Variants in CLIP2 observed in about 807,000 individuals in gnomAD.
The protein encoded by CLIP2 is CAP-Gly domain-containing linker protein 2.
Under a neutral mutation model 111.7 loss-of-function variants are expected in CLIP2, and 41 were observed. The observed-to-expected ratio is 0.37, with a 90% confidence interval of 0.29 to 0.48. The LOEUF (loss-of-function observed/expected upper bound fraction) is 0.48. Among genes scored for constraint, CLIP2 ranks in the 20% least tolerant of loss-of-function variants. CLIP2 has a pLI of 0.99. For synonymous variants in CLIP2, 660 were observed against 644.2 expected (o/e 1.02, Z -0.37); for missense variants, 1,160 against 1,422.1 (o/e 0.82, Z 2.96).
rs975799851 is a variant in CLIP2, at chr7:74,373,295, C to T, written c.1485+259C>T. Among the ~76,000 whole-genome samples, 3 of 152,060 alleles carry T rather than the reference C, an allele frequency of 2.0e-5. No homozygotes were observed. In the East Asian group the frequency reaches 5.8e-4, roughly 29 times the overall value. On this transcript the variant is annotated intron_variant, in intron 9 of 16. Coordinates refer to ENST00000223398, the MANE Select transcript of CLIP2 (RefSeq NM_003388.5). ...GGTGGATCGCCTGAGGTCAGGAGTT[C>T]GAGACCAGCCTGGCCAACATGGTGA...
At chr7:74,330,782 G>A (rs1209469913) in intron 2 of CLIP2, among the ~76,000 whole-genome samples, 1 of 152,094 alleles carries the variant, frequency 6.6e-6, no homozygotes, top group Non-Finnish European at 1.5e-5. Flanking sequence ...TTGGTTTGGA[G>A]GCTCTTAGAT....
chr7:74,330,596 C>T (rs979180404), intron 2 of CLIP2, among the ~76,000 whole-genome samples: 3 of 151,924 alleles, frequency 2.0e-5, no homozygotes, highest in Non-Finnish European at 4.4e-5. Context: ...GTTCCCTATT[C>T]CTCTTCCCCT....
At position 74,376,513 on chromosome 7, in the gene CLIP2, G is replaced by A. The variant is rs781965805; in HGVS notation, c.2112G>A (p.Arg704=). 2 of 1,604,552 alleles carry A rather than the reference G, an allele frequency of 1.2e-6. No individual in the cohort carries two copies. The highest frequency in any genetic ancestry group is 1.7e-5 in the Admixed American group (1 of 57,950). Residue 704 remains arginine (R), a synonymous_variant, in exon 10 of 17, where the codon CGG becomes CGA. Coordinates refer to ENST00000223398, the MANE Select transcript of CLIP2 (RefSeq NM_003388.5). The surrounding 1 kb of genome is among the most constrained non-coding windows in gnomAD (Gnocchi z 7.1). ...EELAGLQRHW[R]AQLEVQASQH... is the part of the protein sequence containing the mutation. ...TGGCTGGGCTGCAGCGGCACTGGCG[G>A]GCCCAGCTGGAGGTGCAAGCCAGCC...
chr7:74,345,762 G>T (rs1457692658), intron 3 of CLIP2, among the ~76,000 whole-genome samples: 4 of 151,750 alleles, frequency 2.6e-5, no homozygotes, highest in Non-Finnish European at 5.9e-5. Context: ...CAGGAGAATC[G>T]CTTGAACCCG....
At chr7:74,290,561 G>A (rs1787987137) in intron 1 of CLIP2, among the ~76,000 whole-genome samples, 1 of 152,226 alleles carries the variant, frequency 6.6e-6, no homozygotes, top group South Asian at 2.1e-4. Context: ...AGCACCTTGG[G>A]GGGAAATCAC....
chr7:74,290,951 G>A (rs1280452183), intron 1 of CLIP2, among the ~76,000 whole-genome samples: 1 of 152,152 alleles, frequency 6.6e-6, no homozygotes, highest in Non-Finnish European at 1.5e-5. Flanking sequence ...GGAGGATGGG[G>A]CAGACCAGGA....
chr7:74,376,835 C>A lies in CLIP2; in HGVS notation c.2421+13C>A. On this transcript the variant is annotated intron_variant, in intron 10 of 16. Transcript: ENST00000223398. The surrounding 1 kb of genome is among the most constrained non-coding windows in gnomAD (Gnocchi z 7.1). ...CCAGCACACCCACGTAGGCGCCTGC[C>A]CCTCCTGCTGGGGCGGGAGGGTCGG... The A allele has an allele frequency of 6.4e-7, 1 of 1,557,728 alleles. No homozygotes were observed. Among genetic ancestry groups the A allele is most frequent in the Non-Finnish European group, 8.7e-7 (1 of 1,152,770 alleles).
intron 1 of CLIP2, among the ~76,000 whole-genome samples, chr7:74,290,140 CAG>C (rs1369749351): frequency 6.6e-6 from 1 of 152,224 alleles, no homozygotes; most frequent in Non-Finnish European, 1.5e-5. Flanking sequence ...TCTGGGCTCA[CAG>C]AGCCTGGGGA....
chr7:74,347,118 C>T (rs996958167), intron 3 of CLIP2, among the ~76,000 whole-genome samples: 7 of 152,084 alleles, frequency 4.6e-5, no homozygotes, highest in Non-Finnish European at 1.0e-4. Flanking sequence ...GATGACTACT[C>T]GTTGCCTGGT....
intron 3 of CLIP2, among the ~76,000 whole-genome samples, chr7:74,349,550 G>C (rs1554307130): frequency 7.3e-6 from 1 of 137,700 alleles, no homozygotes; most frequent in Non-Finnish European, 1.5e-5. Flanking sequence ...AGTGATACCT[G>C]CTGCAATATG....
At chr7:74,370,672 C>CT (rs1790592960) in intron 8 of CLIP2, among the ~76,000 whole-genome samples, 1 of 149,150 alleles carries the variant, frequency 6.7e-6, no homozygotes, top group South Asian at 2.1e-4. Flanking sequence ...ATACACCAGG[C>CT]TTTTCTCTTT....
intron 1 of CLIP2, among the ~76,000 whole-genome samples, chr7:74,296,788 C>CAA (rs3044389): frequency 0.55 from 65,400 of 119,678 alleles, 18,157 homozygotes; most frequent in Middle Eastern, 0.67. Context: ...GATTTTGTCT[C>CAA]AAAAAAAAAA....
At position 74,372,950 on chromosome 7, in the gene CLIP2, C is replaced by T; in HGVS notation, c.1399C>T (p.His467Tyr). 7.0e-7 allele frequency: 1 copy of T among 1,421,862 alleles called. No individual in the cohort carries two copies. 88.1% of individuals were successfully genotyped at this position (1,421,862 alleles called of 1,614,324 possible). A position where few individuals can be genotyped will look rare whatever the true frequency, so the allele number is the denominator to read the frequency against. ...GGACCAGACCCAGACGCAGCTGGAG[C>T]ACGCGCGCATTGGGGAGCTGGAACA... ...GDLETQTQLE[H>Y]ARIGELEQSL... The change falls in exon 9 of 17, where the codon CAC becomes TAC. Residue 467 changes from histidine to tyrosine, a missense_variant. His to Tyr is a moderately conservative substitution (Grantham distance 83). Transcript: ENST00000223398.
intron 8 of CLIP2, among the ~76,000 whole-genome samples, chr7:74,372,469 T>C (rs1473573930): frequency 2.7e-5 from 4 of 149,512 alleles, no homozygotes; most frequent in African/African-American, 9.9e-5. Context: ...GTGGGTCTCC[T>C]GTGTGGAGGA....
At chr7:74,296,959 C>T (rs1030831160) in intron 1 of CLIP2, among the ~76,000 whole-genome samples, 8 of 152,300 alleles carry the variant, frequency 5.3e-5, no homozygotes, top group Middle Eastern at 3.4e-3. Context: ...CTAAGACCAG[C>T]ATTTGTTCCC....
At chr7:74,370,945 C>G (rs188317579) in intron 8 of CLIP2, among the ~76,000 whole-genome samples, 4 of 152,190 alleles carry the variant, frequency 2.6e-5, no homozygotes, top group African/African-American at 9.6e-5. Flanking sequence ...CCCCACCCCC[C>G]AGAATATAAA....
intron 1 of CLIP2, among the ~76,000 whole-genome samples, chr7:74,302,531 CGGACA>C (rs1564026324): frequency 2.1e-4 from 32 of 152,210 alleles, no homozygotes; most frequent in African/African-American, 7.5e-4. Context: ...GCCCTGAGCT[CGGACA>C]TAGTGAGAAA....
At chr7:74,292,745 T>TTATTAA (rs1788062865) in intron 1 of CLIP2, among the ~76,000 whole-genome samples, 2 of 152,206 alleles carry the variant, frequency 1.3e-5, no homozygotes, top group African/African-American at 4.8e-5. Flanking sequence ...TAAGGTTGCC[T>TTATTAA]ACATTTTACA....
chr7:74,326,991 C>T (rs1789129850), intron 2 of CLIP2, among the ~76,000 whole-genome samples: 1 of 151,912 alleles, frequency 6.6e-6, no homozygotes, highest in Non-Finnish European at 1.5e-5. Context: ...AGTGCAGCGG[C>T]ACGATCTCAG....
Sources: allele counts gnomAD v4.1 joint callset (sites outside exome capture counted in the v4.1 genomes callset), GRCh38; gene constraint gnomAD v4.1.1; non-coding constraint Gnocchi (gnomAD v3.1); transcripts MANE v1.5; gene names NCBI Gene and HGNC (gene_info 2026-07-23, HGNC 2026-07-21).